LRMDA: variants seen among roughly 807,000 people sequenced by gnomAD.
The protein encoded by LRMDA is leucine rich melanocyte differentiation associated, also known as leucine-rich melanocyte differentiation-associated protein.
Under a neutral mutation model 29.8 loss-of-function variants are expected in LRMDA, and 18 were observed. The ratio of observed to expected loss-of-function variants is 0.60; its 90% confidence interval spans 0.42 to 0.90. The LOEUF is 0.90. Among genes scored for constraint, LRMDA ranks in the 40% least tolerant of loss-of-function variants. The pLI is 0.00. For synonymous variants in LRMDA, 125 were observed against 109.4 expected, an observed-to-expected ratio of 1.14 and a Z score of -0.89; for missense variants, 273 against 273.9, an observed-to-expected ratio of 1.00 and a Z score of 0.02.
intron 6 of LRMDA, among the ~76,000 whole-genome samples, chr10:76,453,667 A>G (rs976671766): frequency 2.0e-5 from 3 of 152,212 alleles, no homozygotes; most frequent in African/African-American, 7.2e-5. Context: ...ATGCATTCAT[A>G]TATTTTTCCT....
At chr10:75,960,284 TA>T in intron 2 of LRMDA, among the ~76,000 whole-genome samples, 1 of 152,226 alleles carries the variant, frequency 6.6e-6, no homozygotes, top group Non-Finnish European at 1.5e-5. Flanking sequence ...GGATATGTCT[TA>T]ACCCAAATCA....
At chr10:75,441,152 AC>A (rs1844322629) in intron 2 of LRMDA, among the ~76,000 whole-genome samples, 1 of 152,202 alleles carries the variant, frequency 6.6e-6, no homozygotes, top group Admixed American at 6.5e-5. Context: ...GGAGTGGATG[AC>A]CCAAGCTCTC....
chr10:75,586,360 TTTTTTTTTTA>T (rs1840655506), intron 2 of LRMDA, among the ~76,000 whole-genome samples: 1 of 135,422 alleles, frequency 7.4e-6, no homozygotes, highest in Admixed American at 7.5e-5. Context: ...TTTTTTTTTT[TTTTTTTTTTA>T]AATTAGAGAC....
intron 2 of LRMDA, chr10:75,642,595 C>T (rs1482889035): frequency 6.6e-6 from 1 of 152,072 alleles, no homozygotes; most frequent in South Asian, 2.1e-4. Context: ...GGAGGTTTTC[C>T]CAGTCTGAAG....
intron 6 of LRMDA, among the ~76,000 whole-genome samples, chr10:76,475,398 G>A (rs1339733027): frequency 6.6e-6 from 1 of 151,884 alleles, no homozygotes; most frequent in East Asian, 1.9e-4. Flanking sequence ...GATTTATAAA[G>A]CAAGTCCTTA....
intron 2 of LRMDA, among the ~76,000 whole-genome samples, chr10:75,849,707 C>T (rs760920393): frequency 6.6e-6 from 1 of 152,072 alleles, no homozygotes; most frequent in Non-Finnish European, 1.5e-5. Flanking sequence ...CCATGGTACA[C>T]GTTTACCTAT....
intron 6 of LRMDA, among the ~76,000 whole-genome samples, chr10:76,378,018 A>C (rs570058568): frequency 2.6e-4 from 40 of 152,156 alleles, no homozygotes; most frequent in African/African-American, 9.6e-4. Flanking sequence ...ATCCATGGGC[A>C]TGGGATGTTT....
chr10:76,068,845 C>G (rs182084416), intron 5 of LRMDA, among the ~76,000 whole-genome samples: 4 of 152,328 alleles, frequency 2.6e-5, no homozygotes. Context: ...TAGGCAAGTA[C>G]CAGCATGCAG....
chr10:75,704,371 T>C (rs781317209), intron 2 of LRMDA, among the ~76,000 whole-genome samples: 60 of 152,216 alleles, frequency 3.9e-4, no homozygotes, highest in Non-Finnish European at 8.1e-4. Context: ...ATTAAATGAT[T>C]GCATTATTAT....
rs999791630 is a variant in LRMDA, at chr10:75,750,246, G to A, written c.132-285762G>A. ...CCACCTCCCGGACAGGGCGGCTGCC[G>A]GGCGGGGGCTGCCCACCTCCCTCCC... On this transcript the variant is annotated intron_variant, in intron 2 of 6. Transcript: ENST00000611255. 5.3e-5 allele frequency among the ~76,000 whole-genome samples: 8 copies of A among 151,394 alleles called. No individual in the cohort carries two copies. The East Asian group carries it at 5.9e-4, about 11-fold the overall frequency.
intron 2 of LRMDA, among the ~76,000 whole-genome samples, chr10:75,798,331 T>A (rs1843690417): frequency 6.6e-6 from 1 of 152,088 alleles, no homozygotes; most frequent in African/African-American, 2.4e-5. Context: ...AAAGTCCAAC[T>A]TAACCACTTT....
intron 5 of LRMDA, 31 bp from the exon 6 acceptor site, chr10:76,324,370 G>T: frequency 1.9e-6 from 3 of 1,601,812 alleles, no homozygotes; most frequent in South Asian, 2.2e-5. Flanking sequence ...GTTTGGTGTT[G>T]CTTCATGTTG....
chr10:75,508,569 A>G (rs1287028392), intron 2 of LRMDA, among the ~76,000 whole-genome samples: 2 of 152,166 alleles, frequency 1.3e-5, no homozygotes, highest in Admixed American at 1.3e-4. Flanking sequence ...TTTTAATGGT[A>G]TGTGTGGTGA....
rs188695855 is a variant in LRMDA at position 76,270,038 on chromosome 10, G to T, written c.517-54363G>T. On this transcript the variant is annotated intron_variant, in intron 5 of 6. Transcript: ENST00000611255. ...CAAGCCACTCCCCTTTTTGTTCCCC[G>T]TCAGTATTTACAAAGCATCTATTCT... Among the ~76,000 whole-genome samples, 3 of 152,032 alleles carry T rather than the reference G, an allele frequency of 2.0e-5. No individual in the cohort carries two copies. In the East Asian group the frequency reaches 5.8e-4, roughly 29 times the overall value.
intron 2 of LRMDA, among the ~76,000 whole-genome samples, chr10:75,657,205 ACAATGGTGAAAAAT>A (rs1325301972): frequency 6.6e-6 from 1 of 152,244 alleles, no homozygotes. Flanking sequence ...CATACAGAAA[ACAATGGTGAAAAAT>A]AAGAGACTTA....
intron 2 of LRMDA, among the ~76,000 whole-genome samples, chr10:75,649,038 A>G (rs1024677608): frequency 6.6e-6 from 1 of 152,176 alleles, no homozygotes; most frequent in Non-Finnish European, 1.5e-5. Context: ...ATATTGTGCA[A>G]TCATCAGCAC....
intron 1 of LRMDA, among the ~76,000 whole-genome samples, chr10:75,432,770 G>A (rs907039574): frequency 6.6e-6 from 1 of 152,198 alleles, no homozygotes; most frequent in African/African-American, 2.4e-5. Context: ...GATGCAGTGA[G>A]GGCCAACTGT....
intron 5 of LRMDA, among the ~76,000 whole-genome samples, chr10:76,189,028 T>C (rs1260286188): frequency 1.3e-5 from 2 of 152,146 alleles, no homozygotes; most frequent in Admixed American, 6.5e-5. Flanking sequence ...AACAGCTTAG[T>C]AGCCATTTGA....
chr10:76,330,842 G>T (rs965193278), intron 6 of LRMDA, among the ~76,000 whole-genome samples: 6 of 152,314 alleles, frequency 3.9e-5, no homozygotes, highest in Admixed American at 2.6e-4. Flanking sequence ...AGCTAAGTAG[G>T]TCTGATCATT....
Sources: allele counts gnomAD v4.1 joint callset (sites outside exome capture counted in the v4.1 genomes callset), GRCh38; gene constraint gnomAD v4.1.1; transcripts MANE v1.5; gene names NCBI Gene and HGNC (gene_info 2026-07-23, HGNC 2026-07-21).